Variants in ZNF804B observed in about 807,000 individuals in gnomAD.
ZNF804B encodes the protein zinc finger 804B.
A neutral mutation model predicts 101.4 loss-of-function variants in ZNF804B; 80 were observed. The observed-to-expected ratio is 0.79, with a 90% CI of 0.66 to 0.95. The LOEUF is 0.95. ZNF804B is among the 40% of genes least tolerant of loss of function. ZNF804B has a pLI of 0.00. For synonymous variants in ZNF804B, 622 were observed against 558.8 expected, an observed-to-expected ratio of 1.11 and a Z score of -1.59; for missense variants, 1,673 against 1,561.9, an observed-to-expected ratio of 1.07 and a Z score of -1.20.
At chr7:89,158,921 T>G (rs1043044607) in intron 1 of ZNF804B, among the ~76,000 whole-genome samples, 3 of 152,158 alleles carry the variant, frequency 2.0e-5, no homozygotes, top group Non-Finnish European at 4.4e-5. Context: ...ATCAATAGTT[T>G]GAGAAAATAT....
At chr7:88,786,323 T>C (rs928069596) in intron 1 of ZNF804B, among the ~76,000 whole-genome samples, 7 of 152,070 alleles carry the variant, frequency 4.6e-5, no homozygotes, top group Non-Finnish European at 7.4e-5. Context: ...TCTTCCATAG[T>C]CCCTAGGATA....
rs190642565 is a variant in ZNF804B, at chr7:89,108,595, G to A, written c.109-109560G>A. Among the ~76,000 whole-genome samples, 68 of 152,272 alleles carry A rather than the reference G, an allele frequency of 4.5e-4. No homozygotes were observed. The East Asian group carries it at 0.012, about 28-fold the overall frequency. On this transcript the variant is annotated intron_variant, in intron 1 of 3. Transcript: ENST00000333190. ...TCTTATTTGGAAATACAGTAGCAAT[G>A]CAACACGTTTAATGGTCTCTCTGAC...
At chr7:89,232,450 C>T (rs1789207279) in intron 2 of ZNF804B, among the ~76,000 whole-genome samples, 1 of 152,106 alleles carries the variant, frequency 6.6e-6, no homozygotes, top group Admixed American at 6.5e-5. Flanking sequence ...GGAAATGTTT[C>T]TTGCTCTTCC....
At chr7:88,978,468 C>A (rs1793648963) in intron 1 of ZNF804B, among the ~76,000 whole-genome samples, 1 of 151,598 alleles carries the variant, frequency 6.6e-6, no homozygotes, top group Non-Finnish European at 1.5e-5. Flanking sequence ...TTTGTTATTT[C>A]TTTATCTCTT....
At chr7:88,880,840 A>C (rs1344394901) in intron 1 of ZNF804B, among the ~76,000 whole-genome samples, 1 of 152,092 alleles carries the variant, frequency 6.6e-6, no homozygotes, top group Non-Finnish European at 1.5e-5. Flanking sequence ...TCATGTATGA[A>C]TATTTGTACT....
intron 1 of ZNF804B, among the ~76,000 whole-genome samples, chr7:89,146,032 G>A (rs190261668): frequency 1.3e-5 from 2 of 152,100 alleles, no homozygotes; most frequent in East Asian, 3.9e-4. Flanking sequence ...AGATCATTGA[G>A]CTTCCAAATG....
At chr7:89,082,634 G>A (rs976548563) in intron 1 of ZNF804B, among the ~76,000 whole-genome samples, 2 of 151,748 alleles carry the variant, frequency 1.3e-5, no homozygotes, top group African/African-American at 4.8e-5. Context: ...AGATGAGGTA[G>A]AGGTGGACTT....
Position 88,794,993 on chromosome 7 carries a change from A to G in ZNF804B, c.108+34909A>G, listed in dbSNP as rs1179588547. ...TGATTCCAGCTTTTAGCTTATCATA[A>G]TATTTATGCTGCCAGGGTACCTCTT... On this transcript the variant is annotated intron_variant, in intron 1 of 3. Coordinates refer to ENST00000333190, the MANE Select transcript of ZNF804B (RefSeq NM_181646.5). 4.1e-6 allele frequency: 6 copies of G among 1,464,914 alleles called. No homozygotes were observed. In the Admixed American group the frequency reaches 7.5e-5, roughly 18 times the overall value. 90.7% of individuals were successfully genotyped at this position (1,464,914 alleles called of 1,614,324 possible).
chr7:88,836,033 C>T (rs1418221708), intron 1 of ZNF804B, among the ~76,000 whole-genome samples: 2 of 151,866 alleles, frequency 1.3e-5, no homozygotes, highest in Admixed American at 6.6e-5. Context: ...TCTTACTAAA[C>T]AATCCTGGTA....
At chr7:89,123,906 C>A (rs930879962) in intron 1 of ZNF804B, among the ~76,000 whole-genome samples, 19 of 151,968 alleles carry the variant, frequency 1.3e-4, no homozygotes, top group Non-Finnish European at 2.4e-4. Flanking sequence ...CATTTTAACC[C>A]AAATATACGA....
At chr7:89,132,795 G>C (rs1790573450) in intron 1 of ZNF804B, among the ~76,000 whole-genome samples, 1 of 152,014 alleles carries the variant, frequency 6.6e-6, no homozygotes, top group Non-Finnish European at 1.5e-5. Flanking sequence ...AATGCCACTT[G>C]TTATAGACTA....
intron 1 of ZNF804B, among the ~76,000 whole-genome samples, chr7:88,937,151 A>G (rs1238114275): frequency 2.7e-5 from 4 of 150,750 alleles, no homozygotes; most frequent in Non-Finnish European, 4.4e-5. Flanking sequence ...TGCTCTCCAC[A>G]TAACTGAATT....
intron 1 of ZNF804B, among the ~76,000 whole-genome samples, chr7:89,168,951 G>C (rs1036981078): frequency 3.3e-5 from 5 of 152,116 alleles, no homozygotes; most frequent in African/African-American, 4.8e-5. Context: ...TGGCCTCACA[G>C]ATTCCAAGGA....
chr7:89,021,371 G>A (rs1788664942), intron 1 of ZNF804B, among the ~76,000 whole-genome samples: 1 of 152,110 alleles, frequency 6.6e-6, no homozygotes, highest in Non-Finnish European at 1.5e-5. Flanking sequence ...GCCAACTGAG[G>A]GTGTGATTCA....
chr7:89,294,095 T>C (rs1457941865), intron 2 of ZNF804B, among the ~76,000 whole-genome samples: 1 of 152,164 alleles, frequency 6.6e-6, no homozygotes, highest in Non-Finnish European at 1.5e-5. Flanking sequence ...TCCTTAGATT[T>C]TGGGTTAATT....
intron 1 of ZNF804B, among the ~76,000 whole-genome samples, chr7:89,008,663 T>G (rs1420442329): frequency 6.6e-6 from 1 of 152,134 alleles, no homozygotes; most frequent in Non-Finnish European, 1.5e-5. Flanking sequence ...CTCACCATTA[T>G]GAGAATACCT....
chr7:88,802,129 G>A (rs1790601653), intron 1 of ZNF804B, among the ~76,000 whole-genome samples: 1 of 152,080 alleles, frequency 6.6e-6, no homozygotes, highest in African/African-American at 2.4e-5. Flanking sequence ...CTCAAGTGAA[G>A]AAGCTCCTTG....
intron 1 of ZNF804B, among the ~76,000 whole-genome samples, chr7:88,877,028 T>TATATATATATATATATATATATA (rs1562820437): frequency 1.6e-3 from 58 of 36,308 alleles, no homozygotes; most frequent in Non-Finnish European, 2.1e-3. Context: ...ATATATATAA[T>TATATATATATATATATATATATA]ATATATATAT....
chr7:88,772,068 G>A (rs1790076568), intron 1 of ZNF804B, among the ~76,000 whole-genome samples: 1 of 152,088 alleles, frequency 6.6e-6, no homozygotes, highest in Non-Finnish European at 1.5e-5. Context: ...TGTAGATAAA[G>A]CCCAAACAAT....
Sources: allele counts gnomAD v4.1 joint callset (sites outside exome capture counted in the v4.1 genomes callset), GRCh38; gene constraint gnomAD v4.1.1; transcripts MANE v1.5; gene names NCBI Gene and HGNC (gene_info 2026-07-23, HGNC 2026-07-21).